Variants in OTOGL observed in about 807,000 individuals in gnomAD.
OTOGL encodes the protein otogelin like.
Under a neutral mutation model 318.5 loss-of-function variants are expected in OTOGL, and 285 were observed. The ratio of observed to expected loss-of-function variants is 0.89; its 90% CI spans 0.81 to 0.99. The LOEUF (loss-of-function observed/expected upper bound fraction) is 0.99, where lower values mean the gene tolerates loss of function less well. OTOGL is among the 50% of genes least tolerant of loss of function. The pLI, the probability that OTOGL is intolerant of heterozygous loss-of-function variation, is 0.00. For synonymous variants in OTOGL, 987 were observed against 936.5 expected, an observed-to-expected ratio of 1.05 and a Z score of -0.99; for missense variants, 2,899 against 2,845.6, an observed-to-expected ratio of 1.02 and a Z score of -0.43.
At chr12:80,167,581 T>G (rs952319683) in intron 1 of OTOGL, among the ~76,000 whole-genome samples, 13 of 152,178 alleles carry the variant, frequency 8.5e-5, no homozygotes, top group Non-Finnish European at 1.8e-4. Flanking sequence ...ATGCTAATTA[T>G]AGAATTTTAA....
chr12:80,356,715 A>G, intron 48 of OTOGL, 92 bp from the exon 49 acceptor site: 2 of 716,532 alleles, frequency 2.8e-6, no homozygotes, highest in Non-Finnish European at 4.3e-6. Context: ...CTTTAAAATA[A>G]GTTATTTATT....
At position 80,355,957 on chromosome 12, in the gene OTOGL, G is replaced by A; in HGVS notation, c.5806+9G>A. 2 of 1,611,740 alleles carry A rather than the reference G, an allele frequency of 1.2e-6. No homozygotes were observed. Among genetic ancestry groups the A allele is most frequent in the South Asian group, 1.1e-5 (1 of 91,042 alleles). On this transcript the variant is annotated intron_variant, in intron 47 of 58. Coordinates refer to ENST00000547103, the MANE Select transcript of OTOGL (RefSeq NM_001378609.3). The stretch of plus-strand genomic sequence containing the variant: ...TTCAAAGGAAGTTTGTGGTATGTAT[G>A]CAGAAGCCTTATAGTCAATTGATTC...
At chr12:80,284,132 G>A (rs1316024020) in intron 26 of OTOGL, among the ~76,000 whole-genome samples, 4 of 152,042 alleles carry the variant, frequency 2.6e-5, no homozygotes, top group Non-Finnish European at 5.9e-5. Context: ...TGTGGTGTTT[G>A]GTTTTCTGTT....
chr12:80,311,206 A>G (rs1470516965), intron 30 of OTOGL, among the ~76,000 whole-genome samples: 1 of 152,206 alleles, frequency 6.6e-6, no homozygotes, highest in Non-Finnish European at 1.5e-5. Context: ...AGGTCCCAAT[A>G]GAAGTTTAAG....
At chr12:80,331,984 G>T (rs35473950) in intron 37 of OTOGL, among the ~76,000 whole-genome samples, 1 of 152,046 alleles carries the variant, frequency 6.6e-6, no homozygotes, top group Non-Finnish European at 1.5e-5. Context: ...TTCGTGCTGT[G>T]GTTCCGAAGT....
chr12:80,270,071 T>G, intron 22 of OTOGL, 31 bp from the exon 23 acceptor site: 1 of 1,507,808 alleles, frequency 6.6e-7, no homozygotes. Flanking sequence ...ACAGATTTGG[T>G]TCCATAAATT....
chr12:80,370,804 A>G (rs2138094714), intron 56 of OTOGL, 115 bp downstream of exon 56: 1 of 724,092 alleles, frequency 1.4e-6, no homozygotes, highest in East Asian at 3.3e-5. Context: ...CGAATGTGTT[A>G]TTTTCATGAA....
In OTOGL at chr12:80,278,057, TAGAC is replaced by T. The variant is rs1395198185; in HGVS notation, c.2682-108_2682-105del. ...CCTCAGTAGGTTAGATAGAGTGCCT[TAGAC>T]AGCTCTAATAAATATAGATGACAGT... On this transcript the variant is annotated intron_variant, in intron 24 of 58. Transcript: ENST00000547103. The T allele has an allele frequency of 4.7e-6, 4 of 857,504 alleles. No individual in the cohort carries two copies. The African/African-American group carries it at 5.1e-5, about 11-fold the overall frequency. 53.1% of individuals were successfully genotyped at this position (857,504 alleles called of 1,614,324 possible). A position where few individuals can be genotyped will look rare whatever the true frequency, so the allele number is the denominator to read the frequency against.
Position 80,333,160 on chromosome 12 carries a change from A to G in OTOGL, c.4422+82A>G, listed in dbSNP as rs1411928733. 2.3e-6 allele frequency: 3 copies of G among 1,292,208 alleles called. No individual in the cohort carries two copies. In the East Asian group the frequency reaches 7.6e-5, roughly 33 times the overall value. The allele number at this position is 1,292,208 out of a possible 1,614,324, so 80.0% of individuals were successfully genotyped here. The stretch of plus-strand genomic sequence containing the variant: ...ATTTCTGTGTCAATATCCAAATGCT[A>G]CTAAACTTTTTTTGATATGTTCTCT... On this transcript the variant is annotated intron_variant, in intron 38 of 58. Transcript: ENST00000547103.
intron 35 of OTOGL, among the ~76,000 whole-genome samples, chr12:80,327,517 T>G (rs764370188): frequency 6.6e-6 from 1 of 152,212 alleles, no homozygotes; most frequent in African/African-American, 2.4e-5. Flanking sequence ...CCCTTCCACC[T>G]AGAGATCACT....
intron 44 of OTOGL, chr12:80,343,526 T>TTTTTTTTTTTTTTTTTTTTC (rs1555301044): frequency 5.1e-5 from 6 of 118,160 alleles, no homozygotes; most frequent in African/African-American, 1.8e-4. Flanking sequence ...TTTTTTTTTT[T>TTTTTTTTTTTTTTTTTTTTC]TTTTTTTTTT....
Position 80,270,093 on chromosome 12 carries a change from T to G in OTOGL, c.2466-9T>G, listed in dbSNP as rs1883294617. The G allele has an allele frequency of 6.3e-7, 1 of 1,581,868 alleles. No individual in the cohort carries two copies. Among genetic ancestry groups the G allele is most frequent in the South Asian group, 1.1e-5 (1 of 87,186 alleles). ...TGGTTCCATAAATTAACTATTTATTTACTTCTAGCCAGTGTTCAAATGGGA... is the reference window on the plus strand; with the variant it reads ...TGGTTCCATAAATTAACTATTTATTGACTTCTAGCCAGTGTTCAAATGGGA... On this transcript the variant is annotated splice_polypyrimidine_tract_variant and intron_variant, in intron 22 of 58. Transcript: ENST00000547103.
chr12:80,367,789 T>C, intron 54 of OTOGL, 50 bp downstream of exon 54: 1 of 1,240,772 alleles, frequency 8.1e-7, no homozygotes, highest in Non-Finnish European at 1.1e-6. Context: ...CATTCAAAAA[T>C]GGCAGAGTTA....
intron 18 of OTOGL, among the ~76,000 whole-genome samples, chr12:80,259,337 C>A (rs1402529243): frequency 6.6e-6 from 1 of 151,102 alleles, no homozygotes; most frequent in Non-Finnish European, 1.5e-5. Context: ...TGTTTCATTT[C>A]TTTTTTAAAA....
chr12:80,236,838 A>T (rs1879907402), intron 9 of OTOGL, among the ~76,000 whole-genome samples: 1 of 134,722 alleles, frequency 7.4e-6, no homozygotes. Context: ...TGTTTGAGAC[A>T]GGGTCTTTCT....
intron 47 of OTOGL, 123 bp downstream of exon 47, chr12:80,356,071 A>C: frequency 5.2e-5 from 58 of 1,125,966 alleles, no homozygotes; most frequent in African/African-American, 6.2e-5. Flanking sequence ...TCATTTTCTC[A>C]AAGCAAGTTT....
At chr12:80,249,628 G>T (rs962980649) in intron 11 of OTOGL, among the ~76,000 whole-genome samples, 1 of 151,898 alleles carries the variant, frequency 6.6e-6, no homozygotes, top group African/African-American at 2.4e-5. Flanking sequence ...GTTTGTCTGT[G>T]CCCTGCCACC....
intron 1 of OTOGL, among the ~76,000 whole-genome samples, chr12:80,192,536 A>T (rs1002089443): frequency 6.6e-6 from 1 of 152,226 alleles, no homozygotes. Flanking sequence ...TGCTGGAAAC[A>T]TTGCTTCACT....
intron 11 of OTOGL, among the ~76,000 whole-genome samples, chr12:80,239,840 A>G (rs1880216090): frequency 6.6e-6 from 1 of 151,914 alleles, no homozygotes; most frequent in African/African-American, 2.4e-5. Context: ...TTTCTTCTAC[A>G]TGTACATTGT....
Sources: gnomAD v4.1 joint callset for allele counts (sites outside exome capture counted in the v4.1 genomes callset) on GRCh38, gnomAD v4.1.1 for gene constraint, MANE v1.5 for transcripts, NCBI Gene and HGNC (gene_info 2026-07-23, HGNC 2026-07-21) for gene names.